Variants in GPR176 observed in about 807,000 individuals in gnomAD.
The protein encoded by GPR176 is G protein-coupled receptor 176, also known as G-protein coupled receptor 176.
Under a neutral mutation model 35.4 loss-of-function variants are expected in GPR176, and 26 were observed. That is an observed-to-expected ratio of 0.74 (90% CI 0.54 to 1.02). The LOEUF is 1.02. Ranked by LOEUF, GPR176 falls within the 50% of genes least tolerant of loss-of-function variation. The pLI is 0.00. For missense variants in GPR176, 597 were observed against 665.3 expected (o/e 0.90, Z 1.13); for synonymous variants, 278 against 271.3 (o/e 1.02, Z -0.24).
chr15:39,803,872 A>C (rs1899038034), intron 2 of GPR176, among the ~76,000 whole-genome samples: 1 of 152,204 alleles, frequency 6.6e-6, no homozygotes, highest in African/African-American at 2.4e-5. Flanking sequence ...TGGGATGCAA[A>C]CACAATAGCG....
intron 1 of GPR176, among the ~76,000 whole-genome samples, chr15:39,825,934 T>C (rs939444148): frequency 6.6e-6 from 1 of 152,108 alleles, no homozygotes; most frequent in African/African-American, 2.4e-5. Context: ...ATCCAGCTGG[T>C]TCAGGGTTGG....
chr15:39,874,414 C>CT (rs1209211115), intron 1 of GPR176, among the ~76,000 whole-genome samples: 3 of 152,232 alleles, frequency 2.0e-5, no homozygotes, highest in Middle Eastern at 3.4e-3. Context: ...TAATTGGCAT[C>CT]TTTTTTTTAT....
chr15:39,857,044 A>G (rs2031269437), intron 1 of GPR176, among the ~76,000 whole-genome samples: 1 of 152,042 alleles, frequency 6.6e-6, no homozygotes, highest in Non-Finnish European at 1.5e-5. Flanking sequence ...TTCCATATAT[A>G]TTTATTGGTT....
intron 1 of GPR176, among the ~76,000 whole-genome samples, chr15:39,887,507 T>C (rs866577854): frequency 7.3e-5 from 11 of 150,052 alleles, no homozygotes; most frequent in Non-Finnish European, 1.3e-4. Flanking sequence ...GAATCATTCA[T>C]CCAACAGGTG....
chr15:39,907,164 T>C (rs1272010152), intron 1 of GPR176, among the ~76,000 whole-genome samples: 3 of 152,196 alleles, frequency 2.0e-5, no homozygotes, highest in Non-Finnish European at 4.4e-5. Flanking sequence ...GCAAAGTCAA[T>C]GGTCTTTGCA....
intron 1 of GPR176, among the ~76,000 whole-genome samples, chr15:39,846,227 T>C (rs1391881865): frequency 6.6e-6 from 1 of 152,176 alleles, no homozygotes; most frequent in Non-Finnish European, 1.5e-5. Flanking sequence ...TTTGCAAAGA[T>C]TATGACAGCA....
chr15:39,822,236 C>CT (rs1231393686), intron 1 of GPR176, among the ~76,000 whole-genome samples: 2 of 152,220 alleles, frequency 1.3e-5, no homozygotes, highest in Non-Finnish European at 2.9e-5. Context: ...TAAGCTGTTC[C>CT]TAAATTCCTG....
chr15:39,911,832 C>G (rs71403568), intron 1 of GPR176, among the ~76,000 whole-genome samples: 4,618 of 152,242 alleles, frequency 0.03, 109 homozygotes, highest in South Asian at 0.1. Flanking sequence ...TTAAAAGATC[C>G]ATCCAACCCA....
intron 1 of GPR176, among the ~76,000 whole-genome samples, chr15:39,875,996 T>C (rs1324137555): frequency 1.3e-5 from 2 of 150,434 alleles, no homozygotes; most frequent in East Asian, 3.9e-4. Flanking sequence ...AATATATATA[T>C]GTATTTAACC....
chr15:39,807,333 T>TA (rs1232966929), intron 1 of GPR176, 75 bp from the exon 2 acceptor site: 21 of 970,408 alleles, frequency 2.2e-5, no homozygotes, highest in African/African-American at 8.3e-5. Flanking sequence ...AAGTACAGGT[T>TA]AAAAAATGTA....
intron 1 of GPR176, among the ~76,000 whole-genome samples, chr15:39,875,232 T>G (rs2032197084): frequency 6.6e-6 from 1 of 152,194 alleles, no homozygotes; most frequent in African/African-American, 2.4e-5. Flanking sequence ...AGTTTCAAAA[T>G]TCCTAAATAT....
intron 1 of GPR176, among the ~76,000 whole-genome samples, chr15:39,822,048 C>G (rs535048854): frequency 6.6e-6 from 1 of 152,324 alleles, no homozygotes; most frequent in East Asian, 1.9e-4. Flanking sequence ...TGAGGAAACC[C>G]AAGCAGTCCT....
At chr15:39,837,274 A>G (rs529630644) in intron 1 of GPR176, among the ~76,000 whole-genome samples, 2 of 152,278 alleles carry the variant, frequency 1.3e-5, no homozygotes, top group African/African-American at 2.4e-5. Flanking sequence ...GCACAGTACT[A>G]TAAGTGCCTG....
intron 1 of GPR176, among the ~76,000 whole-genome samples, chr15:39,916,609 G>T (rs2033731859): frequency 6.6e-6 from 1 of 152,066 alleles, no homozygotes; most frequent in African/African-American, 2.4e-5. Context: ...CAATAAAAAA[G>T]AAGTCTATTT....
chr15:39,918,272 T>C (rs533555790), intron 1 of GPR176, among the ~76,000 whole-genome samples: 1 of 152,296 alleles, frequency 6.6e-6, no homozygotes, highest in South Asian at 2.1e-4. Context: ...TCATTAAATG[T>C]TTACGATTTG....
intron 1 of GPR176, chr15:39,807,564 T>C (rs1286084624): frequency 4.0e-6 from 6 of 1,516,866 alleles, no homozygotes; most frequent in Non-Finnish European, 5.3e-6. Context: ...TTGCTAGTTA[T>C]TACTTAATCC....
intron 1 of GPR176, among the ~76,000 whole-genome samples, chr15:39,872,696 T>C (rs1224700288): frequency 1.3e-5 from 2 of 152,090 alleles, no homozygotes; most frequent in Non-Finnish European, 2.9e-5. Flanking sequence ...ATTCATATGA[T>C]GAAAGCAAGA....
chr15:39,914,629 C>T lies in GPR176; in HGVS notation c.172+5226G>A, dbSNP rs540914405. 7.2e-5 allele frequency among the ~76,000 whole-genome samples: 11 copies of T among 152,228 alleles called. No individual in the cohort carries two copies. In the East Asian group the frequency reaches 1.4e-3, roughly 19 times the overall value. On this transcript the variant is annotated intron_variant, in intron 1 of 2. Coordinates refer to ENST00000561100, the MANE Select transcript of GPR176 (RefSeq NM_007223.3). ...CTGGCCCAGGATACCTTATTCTTAA[C>T]GTAGTCTGCTAGGTTTTTAGGCATA...
chr15:39,833,707 T>C (rs191803871), intron 1 of GPR176, among the ~76,000 whole-genome samples: 1 of 152,298 alleles, frequency 6.6e-6, no homozygotes, highest in Admixed American at 6.5e-5. Context: ...GTCAGTACAT[T>C]ACTGAAGATA....
Sources: gnomAD v4.1 joint callset for allele counts (sites outside exome capture counted in the v4.1 genomes callset) on GRCh38, gnomAD v4.1.1 for gene constraint, MANE v1.5 for transcripts, NCBI Gene and HGNC (gene_info 2026-07-23, HGNC 2026-07-21) for gene names.